Variants in VWDE observed in about 807,000 individuals in gnomAD.
The protein encoded by VWDE is von Willebrand factor D and EGF domains.
A neutral mutation model predicts 178.4 loss-of-function variants in VWDE; 207 were observed. That is an observed-to-expected ratio of 1.16 (90% CI 1.04 to 1.30). The LOEUF is 1.30. Among genes scored for constraint, VWDE ranks in the 50% most tolerant of loss-of-function variants. The probability of loss-of-function intolerance (pLI) is 0.00; values close to 1 mark genes in which losing one functional copy is unlikely to be tolerated. For synonymous variants in VWDE, 738 were observed against 651.4 expected, an observed-to-expected ratio of 1.13 and a Z score of -2.02; for missense variants, 2,287 against 1,901.3, an observed-to-expected ratio of 1.20 and a Z score of -3.77.
rs969529032 is a variant in VWDE at position 12,352,967 on chromosome 7, C to T, written c.3746-1254G>A. Among the ~76,000 whole-genome samples, 8 of 152,234 alleles carry T rather than the reference C, an allele frequency of 5.3e-5. 1 individual carries two copies. Among genetic ancestry groups the T allele is most frequent in the Middle Eastern group, 3.4e-3 (1 of 294 alleles). The stretch of plus-strand genomic sequence containing the variant: ...CTGATTATTCTAAGATTTATATTTT[C>T]AACTTAATCCTCCTTTCTGAGCTTA... On this transcript the variant is annotated intron_variant, in intron 18 of 28. Coordinates refer to ENST00000275358, the MANE Select transcript of VWDE (RefSeq NM_001135924.3).
intron 7 of VWDE, among the ~76,000 whole-genome samples, chr7:12,375,612 G>A (rs1182756145): frequency 1.3e-5 from 2 of 151,668 alleles, no homozygotes; most frequent in Non-Finnish European, 2.9e-5. Context: ...TTTGTAACGT[G>A]GGCCCAGATA....
chr7:12,358,438 C>A (rs1765113255), intron 16 of VWDE, among the ~76,000 whole-genome samples: 1 of 151,338 alleles, frequency 6.6e-6, no homozygotes, highest in South Asian at 2.1e-4. Flanking sequence ...ACTCATGAAA[C>A]AACTGAAAAT....
chr7:12,395,566 C>T (rs10278216), intron 1 of VWDE, among the ~76,000 whole-genome samples: 16,193 of 151,928 alleles, frequency 0.11, 954 homozygotes, highest in South Asian at 0.16. Flanking sequence ...TTGACATCAA[C>T]GACATTACAG....
At chr7:12,402,539 T>A (rs1292560557) in intron 1 of VWDE, among the ~76,000 whole-genome samples, 3 of 152,212 alleles carry the variant, frequency 2.0e-5, no homozygotes, top group African/African-American at 7.2e-5. Context: ...TTATGCGGTC[T>A]ATAGTAAACA....
In VWDE at chr7:12,367,429, A is replaced by G; in HGVS notation, c.2826T>C (p.Cys942=). The G allele has an allele frequency of 6.5e-7, 1 of 1,547,044 alleles. No homozygotes were observed. Among genetic ancestry groups the G allele is most frequent in the Non-Finnish European group, 8.7e-7 (1 of 1,144,594 alleles). The part of the protein sequence containing the change: ...AGFCDVQKYN[C]MMVRVFGKGF... ...CTTTGCCAAAAACTCTCACCATCAT[A>G]CAATTATATTTTTGAACATCACAGA... The change falls in exon 13 of 29, where the codon TGT becomes TGC. Residue 942 remains cysteine (C), a synonymous_variant. Transcript: ENST00000275358.
At position 12,339,445 on chromosome 7, in the gene VWDE, C is replaced by T. The variant is rs1302566674; in HGVS notation, c.4366+877G>A. ...CCCTTAACTTAGTCTTTACTTCTTT[C>T]TGTTTCTCAAACTGCTTCTTCAAAG... On this transcript the variant is annotated intron_variant, in intron 24 of 28. Coordinates refer to ENST00000275358, the MANE Select transcript of VWDE (RefSeq NM_001135924.3). Among the ~76,000 whole-genome samples, 10 of 152,220 alleles carry T rather than the reference C, an allele frequency of 6.6e-5. No homozygotes were observed. In the South Asian group the frequency reaches 1.9e-3, roughly 28 times the overall value.
chr7:12,382,097 A>T (rs1281366674), intron 4 of VWDE, among the ~76,000 whole-genome samples: 2 of 151,854 alleles, frequency 1.3e-5, no homozygotes, highest in South Asian at 2.1e-4. Context: ...TACATTTTCC[A>T]TTTTACCATG....
chr7:12,391,890 A>T (rs1784407123), intron 2 of VWDE, among the ~76,000 whole-genome samples: 1 of 152,106 alleles, frequency 6.6e-6, no homozygotes, highest in Admixed American at 6.6e-5. Context: ...TAGTTGCATG[A>T]CCTCTAGGTT....
At position 12,398,127 on chromosome 7, in the gene VWDE, T is replaced by G. The variant is rs552586170; in HGVS notation, c.59-4349A>C. On this transcript the variant is annotated intron_variant, in intron 1 of 28. Transcript: ENST00000275358. ...TGTACTGGTACGTTCATCCCAGCAG[T>G]ATTCACAGTAGCAAAGACATGGAAT... is the stretch of plus-strand genomic sequence containing the variant. Among the ~76,000 whole-genome samples the G allele has an allele frequency of 1.1e-4, 16 of 152,292 alleles. 1 individual carries two copies. In the South Asian group the frequency reaches 3.1e-3, roughly 30 times the overall value.
At position 12,359,636 on chromosome 7, in the gene VWDE, G is replaced by C; in HGVS notation, c.3216C>G (p.Thr1072=). 6.5e-7 allele frequency: 1 copy of C among 1,550,230 alleles called. No homozygotes were observed. The highest frequency in any genetic ancestry group is 8.7e-7 in the Non-Finnish European group (1 of 1,146,234). ...TGGGTCTACAAATCAAACAAGGGCT[G>C]GTTGGATTTTTGTCTCCTTCAACAT... ...LCYVEGDKNP[T]SPCLICRPKI... is the part of the protein sequence containing the mutation. The change falls in exon 16 of 29, where the codon ACC becomes ACG. Residue 1072 remains threonine (T), a synonymous_variant. Transcript: ENST00000275358.
At chr7:12,388,811 T>C in intron 3 of VWDE, 3 of 461,726 alleles carry the variant, frequency 6.5e-6, no homozygotes, top group Non-Finnish European at 1.3e-5. Flanking sequence ...TACTCACCCT[T>C]CTTCATCCTT....
rs1238745903 is a variant in VWDE at position 12,351,672 on chromosome 7, C to T, written c.3787G>A (p.Val1263Ile). The T allele has an allele frequency of 6.5e-7, 1 of 1,549,020 alleles. No homozygotes were observed. The highest frequency in any genetic ancestry group is 1.4e-5 in the African/African-American group (1 of 72,864). ...ACACTTTTATCAGATCTTGTGAGAA[C>T]CACAGTTTGTGTAGTAAATTGATTT... ...FVNQFTTQTV[V>I]LTRSDKSVNK... is the part of the protein sequence containing the mutation. The change falls in exon 19 of 29, where the codon GTT becomes ATT. Residue 1263 changes from valine to isoleucine, a missense_variant. Val to Ile is a conservative substitution (Grantham distance 29). Transcript: ENST00000275358.
chr7:12,382,213 A>G lies in VWDE; in HGVS notation c.541+1323T>C, dbSNP rs1400346187. 2.6e-5 allele frequency among the ~76,000 whole-genome samples: 4 copies of G among 151,812 alleles called. No individual in the cohort carries two copies. The East Asian group carries it at 7.7e-4, about 29-fold the overall frequency. On this transcript the variant is annotated intron_variant, in intron 4 of 28. Transcript: ENST00000275358. ...TTTTAATTAATTGCATAAATGTTCT[A>G]AAGAGCATAATAAGTAGGTGAAATT...
At chr7:12,345,969 C>G (rs1010053269) in intron 19 of VWDE, among the ~76,000 whole-genome samples, 1 of 151,802 alleles carries the variant, frequency 6.6e-6, no homozygotes, top group Non-Finnish European at 1.5e-5. Flanking sequence ...AGCTACACAA[C>G]CAAAAAATAA....
chr7:12,332,311 T>C (rs1417377510), intron 28 of VWDE, among the ~76,000 whole-genome samples: 10 of 152,142 alleles, frequency 6.6e-5, no homozygotes, highest in Admixed American at 6.6e-4. Context: ...TTTATGCCCT[T>C]TTCCTTCCCC....
intron 24 of VWDE, among the ~76,000 whole-genome samples, chr7:12,339,747 T>C (rs1018700856): frequency 6.6e-6 from 1 of 152,138 alleles, no homozygotes; most frequent in Non-Finnish European, 1.5e-5. Flanking sequence ...ATATTATTGG[T>C]TGACATTAAT....
chr7:12,402,871 A>C (rs772482986), intron 1 of VWDE, among the ~76,000 whole-genome samples: 14 of 152,186 alleles, frequency 9.2e-5, no homozygotes, highest in Non-Finnish European at 1.3e-4. Flanking sequence ...AATGTTGTAC[A>C]TAATGTTTTT....
intron 3 of VWDE, among the ~76,000 whole-genome samples, chr7:12,387,755 T>A (rs1331976874): frequency 6.6e-6 from 1 of 152,150 alleles, no homozygotes; most frequent in African/African-American, 2.4e-5. Context: ...GTTACCCATA[T>A]AATCATCATT....
intron 27 of VWDE, 30 bp downstream of exon 27, chr7:12,336,111 T>C: frequency 1.3e-6 from 2 of 1,519,080 alleles, no homozygotes; most frequent in African/African-American, 1.4e-5. Context: ...ATTCAGAACA[T>C]ATAGTAGGAA....
Sources: allele counts gnomAD v4.1 joint callset (sites outside exome capture counted in the v4.1 genomes callset), GRCh38; gene constraint gnomAD v4.1.1; transcripts MANE v1.5; gene names NCBI Gene and HGNC (gene_info 2026-07-23, HGNC 2026-07-21).